The following FAM72A variants were observed in gnomAD, a reference collection of about 807,000 sequenced individuals.
FAM72A encodes protein FAM72A.
A neutral mutation model predicts 11.3 loss-of-function variants in FAM72A; 1 was observed. That is an observed-to-expected ratio of 0.09 (90% CI 0.03 to 0.42). The LOEUF is 0.42. FAM72A is among the 10% of genes least tolerant of loss of function. FAM72A has a pLI of 0.98. For missense variants in FAM72A, 15 were observed against 135.5 expected (o/e 0.11, Z 4.41); for synonymous variants, 5 against 46.9 (o/e 0.11, Z 3.65).
intron 3 of FAM72A, among the ~76,000 whole-genome samples, chr1:206,188,979 T>C: frequency 6.6e-6 from 1 of 152,142 alleles, no homozygotes; most frequent in Non-Finnish European, 1.5e-5. Flanking sequence ...TAGTACACCA[T>C]GCATGGTTTT....
intron 2 of FAM72A, among the ~76,000 whole-genome samples, chr1:206,198,907 T>TAAAAAAAA (rs544163968): frequency 7.7e-4 from 49 of 63,600 alleles, no homozygotes; most frequent in African/African-American, 2.8e-3. Context: ...CTGTCTCTAC[T>TAAAAAAAA]AAAAAAAAAA....
At chr1:206,198,827 T>C (rs1665209646) in intron 2 of FAM72A, among the ~76,000 whole-genome samples, 2 of 138,430 alleles carry the variant, frequency 1.4e-5, no homozygotes, top group East Asian at 2.1e-4. Context: ...CCCAGCACTT[T>C]GGCAGGCCGA....
chr1:206,203,248 C>T (rs1313906870), upstream of FAM72A: 5 of 387,190 alleles, frequency 1.3e-5, no homozygotes, highest in African/African-American at 6.2e-5. Context: ...GCCCAATTGG[C>T]CGTGCCTTAG....
intron 2 of FAM72A, among the ~76,000 whole-genome samples, chr1:206,199,087 A>AAAAG (rs879988911): frequency 1.2e-4 from 16 of 138,048 alleles, no homozygotes; most frequent in Non-Finnish European, 2.5e-4. Flanking sequence ...CCTTCTCAAA[A>AAAAG]AAAGAAAGAA....
chr1:206,192,946 T>G (rs1176781858), intron 3 of FAM72A, among the ~76,000 whole-genome samples: 3 of 151,756 alleles, frequency 2.0e-5, no homozygotes, highest in African/African-American at 7.3e-5. Flanking sequence ...GGAGTTTCAC[T>G]TTTGTTGCCC....
At chr1:206,198,405 C>T (rs1297286990) in intron 2 of FAM72A, among the ~76,000 whole-genome samples, 2 of 149,310 alleles carry the variant, frequency 1.3e-5, no homozygotes, top group Non-Finnish European at 3.0e-5. Context: ...GTCCAAAGGC[C>T]AGTGACTTCA....
intron 3 of FAM72A, among the ~76,000 whole-genome samples, chr1:206,191,499 C>CG (rs1211581540): frequency 6.6e-6 from 1 of 150,490 alleles, no homozygotes; most frequent in Admixed American, 6.6e-5. Flanking sequence ...TGTAATCTCG[C>CG]TACTCGGGAG....
rs577595710 is a variant in FAM72A at position 206,187,073 on chromosome 1, A to T, written c.*206T>A. ...CACTGGGCAGAAAAAGGTCGGGGAGAGGAAGTAGAAGTAGAGGAAAAGCAC... is the reference window on the plus strand; with the variant it reads ...CACTGGGCAGAAAAAGGTCGGGGAGTGGAAGTAGAAGTAGAGGAAAAGCAC... On this transcript the variant is annotated 3_prime_UTR_variant, in exon 4 of 4. Coordinates refer to ENST00000367128, the MANE Select transcript of FAM72A (RefSeq NM_001123168.3). 6.9e-6 allele frequency: 5 copies of T among 719,594 alleles called. No individual in the cohort carries two copies. The South Asian group carries it at 1.2e-4, about 18-fold the overall frequency. 44.6% of individuals were successfully genotyped at this position (719,594 alleles called of 1,614,324 possible).
chr1:206,198,524 G>A (rs1233510524), intron 2 of FAM72A, among the ~76,000 whole-genome samples: 3 of 144,672 alleles, frequency 2.1e-5, no homozygotes, highest in Admixed American at 6.9e-5. Context: ...CACATAAGAA[G>A]AGCTTGCCAA....
chr1:206,198,283 G>T (rs1185502952), intron 2 of FAM72A, among the ~76,000 whole-genome samples: 2 of 150,240 alleles, frequency 1.3e-5, no homozygotes, highest in African/African-American at 4.9e-5. Context: ...AGATTCGCTT[G>T]AACCTGGGAG....
At chr1:206,200,054 C>T (rs1202427410) in intron 1 of FAM72A, among the ~76,000 whole-genome samples, 170 bp from the exon 2 acceptor site, 2 of 151,696 alleles carry the variant, frequency 1.3e-5, no homozygotes. Flanking sequence ...AAGTGACCCT[C>T]CTACCAGAGT....
At chr1:206,196,881 C>T (rs1473435591) in intron 2 of FAM72A, among the ~76,000 whole-genome samples, 14 of 145,012 alleles carry the variant, frequency 9.7e-5, no homozygotes, top group Admixed American at 2.0e-4. Flanking sequence ...AAAATAGCAA[C>T]ATGAACTGTT....
chr1:206,191,754 G>T (rs1247525163), intron 3 of FAM72A, among the ~76,000 whole-genome samples: 1 of 136,922 alleles, frequency 7.3e-6, no homozygotes, highest in African/African-American at 2.9e-5. Context: ...TTGAGACAGG[G>T]TCTCACTCTG....
At chr1:206,196,087 C>A (rs1553298277) in intron 2 of FAM72A, among the ~76,000 whole-genome samples, 1 of 147,798 alleles carries the variant, frequency 6.8e-6, no homozygotes, top group East Asian at 2.0e-4. Context: ...TCTCACATTT[C>A]TTTGCTATTA....
chr1:206,196,743 A>G lies in FAM72A; in HGVS notation c.231-867T>C, dbSNP rs1198490590. Among the ~76,000 whole-genome samples, 15 of 149,174 alleles carry G rather than the reference A, an allele frequency of 1.0e-4. No homozygotes were observed. In the East Asian group the frequency reaches 2.5e-3, roughly 25 times the overall value. On this transcript the variant is annotated intron_variant, in intron 2 of 3. Coordinates refer to ENST00000367128, the MANE Select transcript of FAM72A (RefSeq NM_001123168.3). ...CAGAGAAAGTTGCAAAAGTTTTTAC[A>G]GTTTTCAGAATTATCCAGCTGATTA... is the stretch of plus-strand genomic sequence containing the variant.
chr1:206,189,244 T>C (rs1664675410), intron 3 of FAM72A, among the ~76,000 whole-genome samples: 1 of 151,580 alleles, frequency 6.6e-6, no homozygotes, highest in South Asian at 2.1e-4. Context: ...CCATCTTGCA[T>C]AGGTGGTTCA....
At chr1:206,203,423 G>A (rs1444071048), upstream of FAM72A, 1 of 398,086 alleles carries the variant, frequency 2.5e-6, no homozygotes, top group Admixed American at 4.4e-5. Context: ...GGGCCTCTCG[G>A]GATCAGCTCT....
At chr1:206,188,922 TG>T in intron 3 of FAM72A, among the ~76,000 whole-genome samples, 1 of 151,910 alleles carries the variant, frequency 6.6e-6, no homozygotes, top group Non-Finnish European at 1.5e-5. Context: ...CGGAATGGAA[TG>T]AGCCAGGATT....
chr1:206,192,991 G>A lies in FAM72A; in HGVS notation c.355+2761C>T, dbSNP rs782792407. ...TGCAATGGCATGATCTTGGCTCACC[G>A]CAACCTCCGCCTCCCGGGTTCAAGC... On this transcript the variant is annotated intron_variant, in intron 3 of 3. Coordinates refer to ENST00000367128, the MANE Select transcript of FAM72A (RefSeq NM_001123168.3). Among the ~76,000 whole-genome samples, 913 of 149,824 alleles carry A rather than the reference G, an allele frequency of 6.1e-3. 2 individuals carry two copies. The highest frequency in any genetic ancestry group is 0.028 in the Middle Eastern group (8 of 290).
Sources: gnomAD v4.1 joint callset for allele counts (sites outside exome capture counted in the v4.1 genomes callset) on GRCh38, gnomAD v4.1.1 for gene constraint, MANE v1.5 for transcripts, NCBI Gene and HGNC (gene_info 2026-07-23, HGNC 2026-07-21) for gene names.